Variants in NRF1 observed in about 807,000 individuals in gnomAD.
NRF1 encodes the protein nuclear respiratory factor 1.
A neutral mutation model predicts 58.5 loss-of-function variants in NRF1; 5 were observed. That is an observed-to-expected ratio of 0.09 (90% confidence interval 0.04 to 0.18). NRF1 has a LOEUF of 0.18. Among genes scored for constraint, NRF1 ranks in the 10% least tolerant of loss-of-function variants. The probability of loss-of-function intolerance (pLI) is 1.00; values close to 1 mark genes in which losing one functional copy is unlikely to be tolerated. For missense variants in NRF1, 288 were observed against 657.7 expected, an observed-to-expected ratio of 0.44 and a Z score of 6.15; for synonymous variants, 224 against 246.7, an observed-to-expected ratio of 0.91 and a Z score of 0.86.
At chr7:129,742,264 GT>G (rs1803861497) in intron 10 of NRF1, among the ~76,000 whole-genome samples, 1 of 131,394 alleles carries the variant, frequency 7.6e-6, no homozygotes, top group South Asian at 2.7e-4. Flanking sequence ...GATTTTCTAA[GT>G]GAAATTGATT....
intron 10 of NRF1, chr7:129,735,258 G>A (rs1033339017): frequency 1.0e-5 from 10 of 985,242 alleles, no homozygotes; most frequent in Non-Finnish European, 1.2e-5. Flanking sequence ...GCTGCTGGGT[G>A]CGGTGGCTCA....
rs1373735607 is a variant in NRF1 at position 129,756,477 on chromosome 7, G to A, written c.*1296G>A. ...GATGCAACCTCGTGGCCCAGGCCGG[G>A]AGCAGCTTGCCTCCTCAGAGGTGTT... is the stretch of plus-strand genomic sequence containing the variant. On this transcript the variant is annotated 3_prime_UTR_variant, in exon 11 of 11. Coordinates refer to ENST00000393232, the MANE Select transcript of NRF1 (RefSeq NM_005011.5). The A allele has an allele frequency of 6.6e-6, 1 of 152,580 alleles. No homozygotes were observed. Among genetic ancestry groups the A allele is most frequent in the Non-Finnish European group, 1.5e-5 (1 of 68,112 alleles). The allele number at this position is 152,580 out of a possible 1,614,324, so 9.5% of individuals were successfully genotyped here. A position where few individuals can be genotyped will look rare whatever the true frequency, so the allele number is the denominator to read the frequency against.
At chr7:129,716,745 C>A (rs1376083257) in intron 8 of NRF1, among the ~76,000 whole-genome samples, 1 of 152,062 alleles carries the variant, frequency 6.6e-6, no homozygotes, top group African/African-American at 2.4e-5. Flanking sequence ...GTGGTACACA[C>A]CTATAGTCCC....
intron 9 of NRF1, among the ~76,000 whole-genome samples, chr7:129,721,260 C>T (rs1803315522): frequency 6.6e-6 from 1 of 152,052 alleles, no homozygotes. Context: ...TGTAGACTTA[C>T]TCTACGTTTC....
At chr7:129,726,374 C>T (rs1803452923) in intron 9 of NRF1, among the ~76,000 whole-genome samples, 1 of 152,068 alleles carries the variant, frequency 6.6e-6, no homozygotes, top group African/African-American at 2.4e-5. Flanking sequence ...CAGTTTGTAG[C>T]ATCATAGAAT....
At chr7:129,642,883 C>T (rs1801326184) in intron 1 of NRF1, among the ~76,000 whole-genome samples, 1 of 151,610 alleles carries the variant, frequency 6.6e-6, no homozygotes, top group Non-Finnish European at 1.5e-5. Context: ...ACCTTAGCCT[C>T]CCAAGTAGCT....
intron 3 of NRF1, among the ~76,000 whole-genome samples, chr7:129,677,007 A>ATTT (rs56059756): frequency 0.44 from 49,460 of 113,476 alleles, 11,497 homozygotes; most frequent in South Asian, 0.59. Flanking sequence ...TCTTGGTTGC[A>ATTT]TTTTTTTTTT....
chr7:129,614,521 TGCCTAA>T (rs1415213192), intron 1 of NRF1, among the ~76,000 whole-genome samples: 1 of 151,086 alleles, frequency 6.6e-6, no homozygotes, highest in African/African-American at 2.4e-5. Flanking sequence ...CTTGCTATGT[TGCCTAA>T]GCTGGCCTTG....
rs945932214 is a variant in NRF1, at chr7:129,694,649, C to T, written c.606+4103C>T. ...TCCCAAAGTGCTGGGATTGCAGGCA[C>T]GAGCCACTGCGCCCAGCCAATAGCT... is the stretch of plus-strand genomic sequence containing the variant. On this transcript the variant is annotated intron_variant, in intron 5 of 10. Transcript: ENST00000393232. Among the ~76,000 whole-genome samples, 9 of 152,204 alleles carry T rather than the reference C, an allele frequency of 5.9e-5. No homozygotes were observed. In the South Asian group the frequency reaches 1.9e-3, roughly 32 times the overall value.
At chr7:129,628,507 C>A (rs986797986) in intron 1 of NRF1, among the ~76,000 whole-genome samples, 16 of 152,134 alleles carry the variant, frequency 1.1e-4, no homozygotes, top group African/African-American at 3.9e-4. Context: ...TTATGAAAAA[C>A]AACTTTTTCA....
intron 10 of NRF1, among the ~76,000 whole-genome samples, chr7:129,752,487 T>C (rs978304329): frequency 2.0e-5 from 3 of 152,194 alleles, no homozygotes; most frequent in Non-Finnish European, 2.9e-5. Context: ...ATTTGAACTT[T>C]GTTACAAGCT....
intron 3 of NRF1, among the ~76,000 whole-genome samples, chr7:129,672,276 C>T (rs966905107): frequency 6.9e-6 from 1 of 145,894 alleles, no homozygotes; most frequent in African/African-American, 2.6e-5. Flanking sequence ...TGGCCTCAAG[C>T]GATCCTCGTG....
intron 5 of NRF1, among the ~76,000 whole-genome samples, chr7:129,691,307 A>G (rs907673930): frequency 1.3e-5 from 2 of 151,502 alleles, no homozygotes; most frequent in African/African-American, 2.4e-5. Flanking sequence ...CTTCATCAAA[A>G]TCAAACACCT....
At chr7:129,621,035 T>C (rs1346263924) in intron 1 of NRF1, among the ~76,000 whole-genome samples, 1 of 152,252 alleles carries the variant, frequency 6.6e-6, no homozygotes, top group East Asian at 1.9e-4. Flanking sequence ...TCTAAAGTCG[T>C]GAATAAAATT....
chr7:129,645,759 T>A (rs962366750), intron 1 of NRF1, among the ~76,000 whole-genome samples: 1 of 152,172 alleles, frequency 6.6e-6, no homozygotes, highest in African/African-American at 2.4e-5. Context: ...CTCACAAACA[T>A]AAGTTTGTGT....
At chr7:129,735,083 T>G in intron 10 of NRF1, 1 of 985,460 alleles carries the variant, frequency 1.0e-6, no homozygotes, top group Non-Finnish European at 1.2e-6. Flanking sequence ...CTACAGCCCT[T>G]GCTTGGGGTC....
intron 1 of NRF1, among the ~76,000 whole-genome samples, chr7:129,634,108 GCTTTACAGAAA>G (rs1327191880): frequency 5.5e-5 from 8 of 146,304 alleles, no homozygotes; most frequent in Admixed American, 4.8e-4. Context: ...AGCAGTTTTA[GCTTTACAGAAA>G]AATTGAGTGG....
chr7:129,744,303 G>A, intron 10 of NRF1: 1 of 1,316,392 alleles, frequency 7.6e-7, no homozygotes, highest in Non-Finnish European at 1.1e-6. Context: ...TCCAGGCGCT[G>A]CTTCCTGCTT....
At chr7:129,721,534 T>C (rs1355590368) in intron 9 of NRF1, among the ~76,000 whole-genome samples, 4 of 150,858 alleles carry the variant, frequency 2.7e-5, no homozygotes, top group Non-Finnish European at 5.9e-5. Context: ...CAGGCTGGAG[T>C]GCAGTGGCGC....
Sources: gnomAD v4.1 joint callset for allele counts (sites outside exome capture counted in the v4.1 genomes callset) on GRCh38, gnomAD v4.1.1 for gene constraint, MANE v1.5 for transcripts, NCBI Gene and HGNC (gene_info 2026-07-23, HGNC 2026-07-21) for gene names.